The following ST8SIA2 variants were observed in gnomAD, a reference collection of about 807,000 sequenced individuals.
ST8SIA2 encodes ST8 alpha-N-acetyl-neuraminide alpha-2,8-sialyltransferase 2.
Under a neutral mutation model 37.6 loss-of-function variants are expected in ST8SIA2, and 22 were observed. The observed-to-expected ratio is 0.58, with a 90% confidence interval of 0.42 to 0.83. The LOEUF is 0.83. Among genes scored for constraint, ST8SIA2 ranks in the 40% least tolerant of loss-of-function variants. The pLI is 0.00. For synonymous variants in ST8SIA2, 205 were observed against 201.2 expected, an observed-to-expected ratio of 1.02 and a Z score of -0.16; for missense variants, 382 against 484.7, an observed-to-expected ratio of 0.79 and a Z score of 1.99.
chr15:92,425,910 A>C (rs1821906421), intron 1 of ST8SIA2, among the ~76,000 whole-genome samples: 1 of 152,192 alleles, frequency 6.6e-6, no homozygotes, highest in African/African-American at 2.4e-5. Context: ...CGTTCCCAGG[A>C]AGAGTCGTTT....
At chr15:92,448,786 CTCTGTAGT>C (rs2049861130) in intron 5 of ST8SIA2, among the ~76,000 whole-genome samples, 1 of 152,156 alleles carries the variant, frequency 6.6e-6, no homozygotes, top group African/African-American at 2.4e-5. Flanking sequence ...TAAGACAGGA[CTCTGTAGT>C]AGTCAGAGCA....
intron 1 of ST8SIA2, among the ~76,000 whole-genome samples, chr15:92,406,433 C>T (rs1242683153): frequency 3.3e-5 from 5 of 152,232 alleles, no homozygotes; most frequent in African/African-American, 4.8e-5. Context: ...GCAACATGGA[C>T]ATCATCTGGA....
intron 5 of ST8SIA2, among the ~76,000 whole-genome samples, chr15:92,448,788 C>A (rs2049861150): frequency 1.3e-5 from 2 of 152,142 alleles, no homozygotes; most frequent in African/African-American, 4.8e-5. Context: ...AGACAGGACT[C>A]TGTAGTAGTC....
chr15:92,403,334 A>C (rs558250490), intron 1 of ST8SIA2, among the ~76,000 whole-genome samples: 1 of 152,184 alleles, frequency 6.6e-6, no homozygotes, highest in South Asian at 2.1e-4. Flanking sequence ...CCCATTCCTC[A>C]TGCCTCCTGC....
chr15:92,415,036 C>T lies in ST8SIA2; in HGVS notation c.99-15013C>T, dbSNP rs554219233. On this transcript the variant is annotated intron_variant, in intron 1 of 5. Transcript: ENST00000268164. Reference sequence around the variant, plus strand: ...AGAGCATGGCTGGGAAAAGTGGGGACGGAGGTCATGGCTGATGCCTGAAGA... The same window carrying T: ...AGAGCATGGCTGGGAAAAGTGGGGATGGAGGTCATGGCTGATGCCTGAAGA... Among the ~76,000 whole-genome samples the T allele has an allele frequency of 1.6e-4, 24 of 152,282 alleles. 1 individual carries two copies. In the South Asian group the frequency reaches 3.9e-3, roughly 25 times the overall value.
Position 92,410,069 on chromosome 15 carries a change from C to T in ST8SIA2, c.98+15907C>T, listed in dbSNP as rs113690665. Among the ~76,000 whole-genome samples, 107 of 152,306 alleles carry T rather than the reference C, an allele frequency of 7.0e-4. 1 individual carries two copies. The highest frequency in any genetic ancestry group is 3.4e-3 in the Middle Eastern group (1 of 294). On this transcript the variant is annotated intron_variant, in intron 1 of 5. Coordinates refer to ENST00000268164, the MANE Select transcript of ST8SIA2 (RefSeq NM_006011.4). ...CCAGGCCATTGCCCTAAGGGCAGGC[C>T]CTAACGTCTTTGGGCCTCAGTTTTC...
At chr15:92,400,992 T>C (rs960759402) in intron 1 of ST8SIA2, among the ~76,000 whole-genome samples, 2 of 152,216 alleles carry the variant, frequency 1.3e-5, no homozygotes, top group Admixed American at 6.5e-5. Flanking sequence ...GTGTTTTTAT[T>C]TGAAAACACT....
chr15:92,441,957 G>T (rs1297194997), intron 4 of ST8SIA2, among the ~76,000 whole-genome samples: 1 of 152,202 alleles, frequency 6.6e-6, no homozygotes, highest in Non-Finnish European at 1.5e-5. Flanking sequence ...ATGTGTACCT[G>T]TAGGTGTGGT....
At chr15:92,394,273 C>G in intron 1 of ST8SIA2, 111 bp downstream of exon 1, 1 of 982,306 alleles carries the variant, frequency 1.0e-6, no homozygotes, top group Non-Finnish European at 1.6e-6. Flanking sequence ...GCTGTAGCTC[C>G]GCTGGAGAGA....
chr15:92,417,258 G>T (rs2049593864), intron 1 of ST8SIA2, among the ~76,000 whole-genome samples: 1 of 152,194 alleles, frequency 6.6e-6, no homozygotes, highest in South Asian at 2.1e-4. Context: ...TGACACCAAG[G>T]CTTCCTGAGT....
At position 92,405,419 on chromosome 15, in the gene ST8SIA2, A is replaced by C. The variant is rs866983062; in HGVS notation, c.98+11257A>C. ...GGATGGTAATGATAGCTGCAGAATA[A>C]TATGAATGTCTTAATGCTACTGAAC... On this transcript the variant is annotated intron_variant, in intron 1 of 5. Coordinates refer to ENST00000268164, the MANE Select transcript of ST8SIA2 (RefSeq NM_006011.4). 2.0e-4 allele frequency among the ~76,000 whole-genome samples: 31 copies of C among 152,258 alleles called. 1 individual carries two copies. Among genetic ancestry groups the C allele is most frequent in the South Asian group, 2.1e-4 (1 of 4,832 alleles).
chr15:92,431,652 T>C (rs539149776), intron 2 of ST8SIA2, among the ~76,000 whole-genome samples: 2 of 152,250 alleles, frequency 1.3e-5, no homozygotes, highest in African/African-American at 4.8e-5. Context: ...AACACATTCA[T>C]TGAAAAGGAA....
intron 1 of ST8SIA2, among the ~76,000 whole-genome samples, chr15:92,421,474 A>G (rs1392699954): frequency 1.3e-5 from 2 of 152,226 alleles, no homozygotes; most frequent in Non-Finnish European, 2.9e-5. Flanking sequence ...GTATCAAATG[A>G]TTTACAATAA....
intron 5 of ST8SIA2, among the ~76,000 whole-genome samples, chr15:92,445,839 G>A (rs914987518): frequency 6.6e-6 from 1 of 152,124 alleles, no homozygotes; most frequent in Non-Finnish European, 1.5e-5. Flanking sequence ...TTCTTAAACA[G>A]CCCCAGCCAA....
chr15:92,448,947 G>A (rs982053189), intron 5 of ST8SIA2, among the ~76,000 whole-genome samples: 3 of 151,782 alleles, frequency 2.0e-5, no homozygotes, highest in Admixed American at 6.6e-5. Flanking sequence ...GTGGGGGGGG[G>A]TGTGAATGAA....
rs2049976413 is a variant in ST8SIA2 at position 92,464,186 on chromosome 15, T to A, written c.929T>A (p.Ile310Asn). 1 of 1,511,146 alleles carries A rather than the reference T, an allele frequency of 6.6e-7. No homozygotes were observed. The allele number at this position is 1,511,146 out of a possible 1,614,324, so 93.6% of individuals were successfully genotyped here. ...YTLATRFCKQ[I>N]YLYGFWPFPL... is the part of the protein sequence containing the mutation. ...CTGGCCACACGTTTCTGCAAACAAA[T>A]CTACCTCTACGGCTTCTGGCCCTTT... The change falls in exon 6 of 6, where the codon ATC becomes AAC. Residue 310 changes from isoleucine to asparagine, a missense_variant. Coordinates refer to ENST00000268164, the MANE Select transcript of ST8SIA2 (RefSeq NM_006011.4).
chr15:92,443,761 G>A (rs1441775600), intron 4 of ST8SIA2, among the ~76,000 whole-genome samples: 1 of 152,050 alleles, frequency 6.6e-6, no homozygotes, highest in Non-Finnish European at 1.5e-5. Flanking sequence ...TGCCTTTCTT[G>A]TGCCTACAGT....
intron 1 of ST8SIA2, among the ~76,000 whole-genome samples, chr15:92,408,572 T>A (rs1394962951): frequency 6.6e-6 from 1 of 152,092 alleles, no homozygotes; most frequent in African/African-American, 2.4e-5. Context: ...TATTCTAGGA[T>A]CACTTACATA....
intron 4 of ST8SIA2, among the ~76,000 whole-genome samples, chr15:92,442,399 C>G (rs551691420): frequency 3.5e-4 from 53 of 152,180 alleles, no homozygotes; most frequent in African/African-American, 1.3e-3. Context: ...GCCAACATTG[C>G]AGTTGGGAGT....
Sources: gnomAD v4.1 joint callset for allele counts (sites outside exome capture counted in the v4.1 genomes callset) on GRCh38, gnomAD v4.1.1 for gene constraint, MANE v1.5 for transcripts, NCBI Gene and HGNC (gene_info 2026-07-23, HGNC 2026-07-21) for gene names.